SGPL1: variants seen among roughly 807,000 people sequenced by gnomAD.
The protein encoded by SGPL1 is SP-lyase 1.
Under a neutral mutation model 68.9 loss-of-function variants are expected in SGPL1, and 37 were observed. The ratio of observed to expected loss-of-function variants is 0.54; its 90% CI spans 0.41 to 0.71. The LOEUF (loss-of-function observed/expected upper bound fraction) is 0.71. Ranked by LOEUF, SGPL1 falls within the 30% of genes least tolerant of loss-of-function variation. The pLI is 0.00. For synonymous variants in SGPL1, 236 were observed against 248.5 expected (o/e 0.95, Z 0.47); for missense variants, 551 against 704.6 (o/e 0.78, Z 2.47).
chr10:70,861,928 C>A (rs550556694), intron 7 of SGPL1, among the ~76,000 whole-genome samples: 7 of 152,258 alleles, frequency 4.6e-5, no homozygotes, highest in African/African-American at 7.2e-5. Context: ...CCTCCCACCC[C>A]CTCCGTGGGC....
intron 2 of SGPL1, among the ~76,000 whole-genome samples, chr10:70,843,317 G>C (rs567742561): frequency 2.0e-5 from 3 of 152,278 alleles, no homozygotes; most frequent in South Asian, 4.1e-4. Context: ...TGTAAACTCA[G>C]TATAGACTTG....
At position 70,868,431 on chromosome 10, in the gene SGPL1, A is replaced by AATGT; in HGVS notation, c.704+7_704+10dup. 45 of 1,612,468 alleles carry AATGT rather than the reference A, an allele frequency of 2.8e-5. No individual in the cohort carries two copies. The highest frequency in any genetic ancestry group is 8.5e-7 in the Non-Finnish European group (1 of 1,178,694). ...TTGAGAAGGGGATCAAAACTCCAGA[A>AATGT]ATGTATGTATGTGTGGCTGTTTTGT... On this transcript the variant is annotated frameshift_variant and splice_region_variant, in exon 8 of 15. Transcript: ENST00000373202. LOFTEE classifies it high-confidence loss of function.
chr10:70,823,713 T>C (rs1026907995), intron 2 of SGPL1, among the ~76,000 whole-genome samples: 1 of 149,646 alleles, frequency 6.7e-6, no homozygotes, highest in Admixed American at 6.7e-5. Flanking sequence ...ATATATATCT[T>C]TTAAAAATTT....
chr10:70,816,849 G>A lies in SGPL1; in HGVS notation c.-5G>A. 6.2e-7 allele frequency: 1 copy of A among 1,614,060 alleles called. No homozygotes were observed. Among genetic ancestry groups the A allele is most frequent in the Non-Finnish European group, 8.5e-7 (1 of 1,179,946 alleles). The stretch of plus-strand genomic sequence containing the variant: ...GGAGCGCGGAGAGGAGGCTGGAAGA[G>A]GAAGATGCCTAGCACAGACCTTCTG... On this transcript the variant is annotated 5_prime_UTR_variant, in exon 2 of 15. Coordinates refer to ENST00000373202, the MANE Select transcript of SGPL1 (RefSeq NM_003901.4).
intron 7 of SGPL1, among the ~76,000 whole-genome samples, chr10:70,863,289 C>CTTTTTTTTTTTTTTTTTTTT (rs35676112): frequency 8.4e-6 from 1 of 118,792 alleles, no homozygotes; most frequent in Non-Finnish European, 1.7e-5. Flanking sequence ...GCTTGGCCGT[C>CTTTTTTTTTTTTTTTTTTTT]TTTTTTTTTT....
chr10:70,852,725 TGTGC>T (rs1437106416), intron 4 of SGPL1, among the ~76,000 whole-genome samples: 15 of 136,850 alleles, frequency 1.1e-4, no homozygotes, highest in South Asian at 2.2e-4. Flanking sequence ...TGTGTGTGTG[TGTGC>T]GCGCGCACGC....
chr10:70,836,946 A>G (rs537061659), intron 2 of SGPL1, among the ~76,000 whole-genome samples: 13 of 152,146 alleles, frequency 8.5e-5, no homozygotes, highest in Non-Finnish European at 1.8e-4. Flanking sequence ...AAATAAAATA[A>G]CATGAAAGCC....
intron 11 of SGPL1, 62 bp from the exon 12 acceptor site, chr10:70,873,288 TG>T: frequency 8.4e-7 from 1 of 1,193,474 alleles, no homozygotes; most frequent in Non-Finnish European, 1.3e-6. Flanking sequence ...ATGAGAGTTC[TG>T]GGACAAGGTC....
At chr10:70,870,170 T>C (rs1285043304) in intron 9 of SGPL1, 1 of 319,076 alleles carries the variant, frequency 3.1e-6, no homozygotes, top group Non-Finnish European at 5.8e-6. Context: ...CTTTTCTCTA[T>C]TTGTAAAATG....
At chr10:70,875,100 T>C (rs10823633) in intron 12 of SGPL1, among the ~76,000 whole-genome samples, 48,595 of 152,012 alleles carry the variant, frequency 0.32, 7,980 homozygotes, top group East Asian at 0.36. Flanking sequence ...CTCAGAAGCA[T>C]CTAGGGGAAT....
At chr10:70,833,269 A>G (rs75436602) in intron 2 of SGPL1, among the ~76,000 whole-genome samples, 8,529 of 152,324 alleles carry the variant, frequency 0.056, 284 homozygotes, top group Non-Finnish European at 0.064. Context: ...AGGCCAGGCT[A>G]GAAGGGAAAA....
intron 2 of SGPL1, among the ~76,000 whole-genome samples, chr10:70,824,151 C>T (rs772444940): frequency 6.6e-6 from 1 of 152,068 alleles, no homozygotes. Context: ...GCCTGCCTTA[C>T]GGAAATGTTT....
intron 2 of SGPL1, among the ~76,000 whole-genome samples, chr10:70,835,200 C>G (rs1007641795): frequency 2.6e-5 from 4 of 152,204 alleles, no homozygotes; most frequent in Admixed American, 1.3e-4. Flanking sequence ...GTTGAAGATG[C>G]TGTTTTAGGC....
At chr10:70,863,574 C>A (rs199959597) in intron 7 of SGPL1, among the ~76,000 whole-genome samples, 1 of 151,984 alleles carries the variant, frequency 6.6e-6, no homozygotes, top group Admixed American at 6.6e-5. Flanking sequence ...TCTGGAAGTT[C>A]TCTTCTTCCA....
intron 14 of SGPL1, 68 bp from the exon 15 acceptor site, chr10:70,877,127 T>G: frequency 4.0e-6 from 6 of 1,517,232 alleles, no homozygotes; most frequent in Non-Finnish European, 4.6e-6. Flanking sequence ...AAGGGGCTCA[T>G]TGCTGCAGTT....
At position 70,844,609 on chromosome 10, in the gene SGPL1, G is replaced by T. The variant is rs745378094; in HGVS notation, c.164G>T (p.Trp55Leu). The change falls in exon 3 of 15, where the codon TGG (tryptophan) becomes TTG (leucine). Residue 55 changes from tryptophan (W) to leucine (L), a missense_variant. Physicochemically the swap from Trp to Leu is moderately conservative, Grantham distance 61. Transcript: ENST00000373202. Reference protein sequence around the residue: ...WSVVWTLLIVWGYEFVFQPES... With the variant: ...WSVVWTLLIVLGYEFVFQPES... ...GTCGTGTGGACCCTGCTGATAGTCT[G>T]GGGATATGAGTTTGTCTTCCAGCCA... 6.2e-7 allele frequency: 1 copy of T among 1,614,048 alleles called. No individual in the cohort carries two copies. The highest frequency in any genetic ancestry group is 1.1e-5 in the South Asian group (1 of 91,072).
intron 7 of SGPL1, chr10:70,860,431 G>A (rs1335750137): frequency 8.5e-6 from 4 of 468,028 alleles, no homozygotes; most frequent in Admixed American, 2.4e-5. Flanking sequence ...ATATGTTGGC[G>A]CCATGAAAAT....
chr10:70,876,645 C>T lies in SGPL1; in HGVS notation c.1550C>T (p.Ala517Val), dbSNP rs377662375. ...SVTQIMKNPK[A>V]KTTGMGAIYG... ...ACTCAAATCATGAAGAATCCTAAAG[C>T]GAAGACCACAGGAATGGTAGGGACA... Residue 517 changes from alanine to valine, a missense_variant, in exon 14 of 15, where the codon GCG becomes GTG. Transcript: ENST00000373202. The T allele has an allele frequency of 5.0e-6, 8 of 1,612,742 alleles. No homozygotes were observed. The highest frequency in any genetic ancestry group is 2.7e-5 in the African/African-American group (2 of 74,810).
chr10:70,832,452 C>T (rs1845558400), intron 2 of SGPL1, among the ~76,000 whole-genome samples: 1 of 152,058 alleles, frequency 6.6e-6, no homozygotes, highest in African/African-American at 2.4e-5. Flanking sequence ...GTCTTAACTC[C>T]CAGACAAAGA....
Sources: allele counts gnomAD v4.1 joint callset (sites outside exome capture counted in the v4.1 genomes callset), GRCh38; gene constraint gnomAD v4.1.1; transcripts MANE v1.5; gene names NCBI Gene and HGNC (gene_info 2026-07-23, HGNC 2026-07-21).